The following CNTN4 variants were observed in gnomAD, a reference collection of about 807,000 sequenced individuals.
CNTN4 encodes the protein contactin-4.
In CNTN4, 77 loss-of-function variants were observed where a neutral mutation model predicts 122.5. That is an observed-to-expected ratio of 0.63 (90% CI 0.52 to 0.76). The LOEUF (loss-of-function observed/expected upper bound fraction) is 0.76. Among genes scored for constraint, CNTN4 ranks in the 30% least tolerant of loss-of-function variants. The pLI is 0.00. For synonymous variants in CNTN4, 512 were observed against 447.0 expected (o/e 1.15, Z -1.83); for missense variants, 1,256 against 1,259.1 (o/e 1.00, Z 0.04).
At chr3:2,174,071 C>A (rs2036634370) in intron 2 of CNTN4, among the ~76,000 whole-genome samples, 1 of 152,028 alleles carries the variant, frequency 6.6e-6, no homozygotes, top group Non-Finnish European at 1.5e-5. Context: ...TGTCGCTGAG[C>A]CTGAACTTGT....
chr3:2,413,773 T>G (rs973633492), intron 3 of CNTN4, among the ~76,000 whole-genome samples: 1 of 152,102 alleles, frequency 6.6e-6, no homozygotes, highest in African/African-American at 2.4e-5. Flanking sequence ...ACTCCTGACC[T>G]CAAGTGATCC....
chr3:2,104,845 A>G (rs2032301742), intron 2 of CNTN4, among the ~76,000 whole-genome samples: 1 of 152,220 alleles, frequency 6.6e-6, no homozygotes, highest in Admixed American at 6.5e-5. Context: ...GTATGGGGAA[A>G]AGAGAGCATG....
intron 12 of CNTN4, among the ~76,000 whole-genome samples, chr3:2,917,053 A>G (rs2094370363): frequency 8.0e-6 from 1 of 125,768 alleles, no homozygotes; most frequent in Admixed American, 8.3e-5. Context: ...CCATCCCGGC[A>G]CCTCGGGAGG....
chr3:2,169,924 C>G (rs2036394401), intron 2 of CNTN4, among the ~76,000 whole-genome samples: 1 of 152,064 alleles, frequency 6.6e-6, no homozygotes, highest in African/African-American at 2.4e-5. Context: ...ATGGGTTCTT[C>G]AATAAATTTT....
chr3:2,418,713 G>A (rs998777319), intron 3 of CNTN4, among the ~76,000 whole-genome samples: 2 of 152,102 alleles, frequency 1.3e-5, no homozygotes, highest in Non-Finnish European at 2.9e-5. Context: ...ATATATAAAA[G>A]AACAAAGGTG....
chr3:2,968,201 T>G (rs1461985020), intron 13 of CNTN4, among the ~76,000 whole-genome samples: 1 of 152,230 alleles, frequency 6.6e-6, no homozygotes, highest in Non-Finnish European at 1.5e-5. Flanking sequence ...GAAAAATCAC[T>G]TTTTAAGTTT....
At chr3:2,658,538 T>C (rs142926810) in intron 4 of CNTN4, among the ~76,000 whole-genome samples, 16 of 152,330 alleles carry the variant, frequency 1.1e-4, no homozygotes, top group African/African-American at 3.6e-4. Context: ...AAATTTAAAG[T>C]CTGTTCCATC....
intron 3 of CNTN4, among the ~76,000 whole-genome samples, chr3:2,452,651 T>C (rs2048870535): frequency 6.6e-6 from 1 of 152,168 alleles, no homozygotes; most frequent in Non-Finnish European, 1.5e-5. Flanking sequence ...TATTTATCTT[T>C]AATGAATGCC....
intron 3 of CNTN4, among the ~76,000 whole-genome samples, chr3:2,515,761 C>T (rs538521124): frequency 6.6e-6 from 1 of 152,152 alleles, no homozygotes; most frequent in African/African-American, 2.4e-5. Flanking sequence ...AGAATCTTTA[C>T]TGCAGATACT....
chr3:2,134,518 C>T (rs746526453), intron 2 of CNTN4, among the ~76,000 whole-genome samples: 6 of 152,128 alleles, frequency 3.9e-5, no homozygotes, highest in Non-Finnish European at 8.8e-5. Context: ...AAAAATTTCT[C>T]GGGTTTCTAA....
chr3:2,834,932 T>A (rs1164609642), intron 7 of CNTN4, among the ~76,000 whole-genome samples: 1 of 124,952 alleles, frequency 8.0e-6, no homozygotes, highest in South Asian at 2.8e-4. Context: ...TGAGACTGAG[T>A]CTCTCTCTGT....
At chr3:3,035,919 C>T (rs1244288136) in intron 17 of CNTN4, among the ~76,000 whole-genome samples, 9 of 147,558 alleles carry the variant, frequency 6.1e-5, no homozygotes, top group African/African-American at 2.3e-4. Flanking sequence ...ACCAATTTTA[C>T]AAATTCTTAA....
chr3:2,694,626 A>G (rs1232094761), intron 4 of CNTN4, among the ~76,000 whole-genome samples: 4 of 152,162 alleles, frequency 2.6e-5, no homozygotes, highest in Admixed American at 6.5e-5. Context: ...GCTACTTAGG[A>G]GGCGAGGCAA....
chr3:2,434,947 T>C (rs1211761614), intron 3 of CNTN4, among the ~76,000 whole-genome samples: 2 of 152,160 alleles, frequency 1.3e-5, no homozygotes, highest in African/African-American at 4.8e-5. Flanking sequence ...GAAGCTCTCT[T>C]AAACTCTGAG....
chr3:2,804,681 C>G (rs142746670), intron 6 of CNTN4, among the ~76,000 whole-genome samples: 24 of 152,102 alleles, frequency 1.6e-4, no homozygotes, highest in African/African-American at 5.8e-4. Context: ...GATACCTCAT[C>G]TGAGATCTGG....
At chr3:2,965,514 G>T (rs1242557849) in intron 13 of CNTN4, among the ~76,000 whole-genome samples, 3 of 152,180 alleles carry the variant, frequency 2.0e-5, no homozygotes. Context: ...TTAAGTTTAA[G>T]TAGCCACATT....
chr3:2,727,482 A>C (rs1191857164), intron 4 of CNTN4, among the ~76,000 whole-genome samples: 1 of 152,222 alleles, frequency 6.6e-6, no homozygotes, highest in Non-Finnish European at 1.5e-5. Flanking sequence ...TATTTTTAAA[A>C]GAGTCATTAA....
chr3:2,538,628 C>A, intron 3 of CNTN4, among the ~76,000 whole-genome samples: 1 of 151,866 alleles, frequency 6.6e-6, no homozygotes, highest in East Asian at 1.9e-4. Context: ...ACATTTGAAG[C>A]TATTGATTGT....
chr3:2,735,577 A>T (rs1433267887), intron 4 of CNTN4, among the ~76,000 whole-genome samples: 1 of 152,194 alleles, frequency 6.6e-6, no homozygotes, highest in South Asian at 2.1e-4. Flanking sequence ...TCTGTGGTAC[A>T]GGCTATGTGA....
Sources: gnomAD v4.1 joint callset for allele counts (sites outside exome capture counted in the v4.1 genomes callset) on GRCh38, gnomAD v4.1.1 for gene constraint, MANE v1.5 for transcripts, NCBI Gene and HGNC (gene_info 2026-07-23, HGNC 2026-07-21) for gene names.